SAMD5: variants seen among roughly 807,000 people sequenced by gnomAD.
SAMD5 encodes sterile alpha motif domain-containing protein 5.
In SAMD5, 13 loss-of-function variants were observed where a neutral mutation model predicts 11.3. The ratio of observed to expected loss-of-function variants is 1.15; its 90% CI spans 0.75 to 1.83. The LOEUF (loss-of-function observed/expected upper bound fraction) is 1.83. Among genes scored for constraint, SAMD5 ranks in the 40% most tolerant of loss-of-function variants. The pLI is 0.00. For missense variants in SAMD5, 255 were observed against 239.1 expected (o/e 1.07, Z -0.44); for synonymous variants, 129 against 111.3 (o/e 1.16, Z -1.00).
At chr6:147,699,225 C>T (rs373886396) in intron 1 of SAMD5, among the ~76,000 whole-genome samples, 19 of 152,146 alleles carry the variant, frequency 1.2e-4, no homozygotes, top group South Asian at 2.1e-4. Context: ...CCTAGACTGA[C>T]GCCTGGCTCA....
chr6:147,822,037 A>G, the SAMD5 span, among the ~76,000 whole-genome samples: 2 of 152,212 alleles, frequency 1.3e-5, no homozygotes, highest in Non-Finnish European at 2.9e-5. Flanking sequence ...AATATTATTG[A>G]TTTGCACCAT....
intron 1 of SAMD5, among the ~76,000 whole-genome samples, chr6:147,693,348 C>T (rs982022609): frequency 6.6e-6 from 1 of 152,192 alleles, no homozygotes; most frequent in African/African-American, 2.4e-5. Context: ...GCAGGGCCTG[C>T]ATCCTGCACG....
intron 1 of SAMD5, among the ~76,000 whole-genome samples, chr6:147,601,147 C>T (rs55824922): frequency 0.021 from 3,154 of 152,290 alleles, 109 homozygotes; most frequent in African/African-American, 0.072. Flanking sequence ...TTGCATGCTC[C>T]TCCAGTGGAG....
the SAMD5 span, among the ~76,000 whole-genome samples, chr6:147,941,883 G>T: frequency 1.3e-5 from 2 of 151,764 alleles, no homozygotes; most frequent in Non-Finnish European, 2.9e-5. Flanking sequence ...GTTTTGCTTT[G>T]TTTTGTTTGA....
the SAMD5 span, among the ~76,000 whole-genome samples, chr6:147,870,449 AGTGTGTGTGT>A: frequency 2.9e-5 from 4 of 137,632 alleles, no homozygotes; most frequent in South Asian, 2.4e-4. Flanking sequence ...TGTGTGTGTG[AGTGTGTGTGT>A]GTGTGTGTGT....
the SAMD5 span, among the ~76,000 whole-genome samples, chr6:147,900,210 C>G: frequency 6.6e-6 from 1 of 152,110 alleles, no homozygotes; most frequent in Non-Finnish European, 1.5e-5. Flanking sequence ...TGTCAGGACC[C>G]ATGGAGGATC....
intron 1 of SAMD5, among the ~76,000 whole-genome samples, chr6:147,689,389 C>G (rs1791066868): frequency 6.6e-6 from 1 of 151,998 alleles, no homozygotes; most frequent in African/African-American, 2.4e-5. Context: ...TATACCAACT[C>G]ATTACCTTGG....
At chr6:147,718,119 C>T (rs9386195) in intron 1 of SAMD5, among the ~76,000 whole-genome samples, 68,294 of 151,952 alleles carry the variant, frequency 0.45, 16,325 homozygotes, top group Non-Finnish European at 0.52. Flanking sequence ...AAGTAGACTG[C>T]GTACTATATG....
chr6:147,879,034 G>A, the SAMD5 span, among the ~76,000 whole-genome samples: 5 of 152,306 alleles, frequency 3.3e-5, no homozygotes, highest in South Asian at 4.1e-4. Context: ...GTTATTTTAA[G>A]GAAGGACTTG....
intron 1 of SAMD5, among the ~76,000 whole-genome samples, chr6:147,634,442 C>T (rs146593031): frequency 1.8e-4 from 27 of 152,328 alleles, no homozygotes; most frequent in African/African-American, 6.5e-4. Flanking sequence ...TATCTCCCAT[C>T]AGGCCCCTCC....
rs1339365234 is a variant in SAMD5, at chr6:147,565,142, T to A, written c.*686T>A. On this transcript the variant is annotated 3_prime_UTR_variant, in exon 2 of 2. Transcript: ENST00000367474. ...TCTGGCTGAGGTTTAGTATTAGGAC[T>A]AATACAAGTGTCTTGCTCTGACATG... 2.0e-6 allele frequency: 2 copies of A among 985,422 alleles called. No homozygotes were observed. The highest frequency in any genetic ancestry group is 2.3e-4 in the East Asian group (2 of 8,814). The allele number at this position is 985,422 out of a possible 1,614,324, so 61.0% of individuals were successfully genotyped here. A position where few individuals can be genotyped will look rare whatever the true frequency, so the allele number is the denominator to read the frequency against.
chr6:147,647,640 A>G (rs1210336031), intron 1 of SAMD5, among the ~76,000 whole-genome samples: 2 of 152,198 alleles, frequency 1.3e-5, no homozygotes, highest in Non-Finnish European at 2.9e-5. Context: ...TGTATTAAGA[A>G]GCAGCACAAA....
rs1263805650 is a variant in SAMD5 at position 147,569,185 on chromosome 6, C to G, written c.*4729C>G. ...GCAGTGAGCTGAGATCGCGCCAGTGCGCTCCAGCCTGGGCAACAGAGTGAG... is the reference window on the plus strand; with the variant it reads ...GCAGTGAGCTGAGATCGCGCCAGTGGGCTCCAGCCTGGGCAACAGAGTGAG... On this transcript the variant is annotated 3_prime_UTR_variant, in exon 2 of 2. Coordinates refer to ENST00000367474, the MANE Select transcript of SAMD5 (RefSeq NM_001030060.3). 1 of 215,234 alleles carries G rather than the reference C, an allele frequency of 4.6e-6. No homozygotes were observed. The highest frequency in any genetic ancestry group is 7.7e-6 in the Non-Finnish European group (1 of 129,506). The allele number at this position is 215,234 out of a possible 1,614,324, so 13.3% of individuals were successfully genotyped here.
chr6:147,808,922 G>A, the SAMD5 span, among the ~76,000 whole-genome samples: 1 of 152,134 alleles, frequency 6.6e-6, no homozygotes. Context: ...ATATTAAGCA[G>A]TCCTTTTGAA....
intron 1 of SAMD5, among the ~76,000 whole-genome samples, chr6:147,616,902 C>T (rs1789881315): frequency 6.6e-6 from 1 of 152,212 alleles, no homozygotes; most frequent in Non-Finnish European, 1.5e-5. Context: ...GATTTAATCA[C>T]TCCATCTCTT....
chr6:147,769,504 A>G, the SAMD5 span, among the ~76,000 whole-genome samples: 2 of 152,242 alleles, frequency 1.3e-5, no homozygotes, highest in African/African-American at 4.8e-5. Flanking sequence ...GGAATTGGGT[A>G]TAATGTCACT....
At chr6:147,637,248 T>G (rs1790243594) in intron 1 of SAMD5, among the ~76,000 whole-genome samples, 1 of 152,150 alleles carries the variant, frequency 6.6e-6, no homozygotes, top group Non-Finnish European at 1.5e-5. Flanking sequence ...CCTGGTTGGG[T>G]GAGCAGAGTG....
At chr6:147,515,727 G>A (rs1789698) in intron 1 of SAMD5, among the ~76,000 whole-genome samples, 63,022 of 151,734 alleles carry the variant, frequency 0.42, 16,617 homozygotes, top group African/African-American at 0.76. Flanking sequence ...GTATGTGGAG[G>A]CCTAACCTAA....
At chr6:147,809,430 C>T in the SAMD5 span, among the ~76,000 whole-genome samples, 1 of 151,778 alleles carries the variant, frequency 6.6e-6, no homozygotes, top group African/African-American at 2.4e-5. Flanking sequence ...CAGCCATGGG[C>T]ACTCCATGAA....
Sources: gnomAD v4.1 joint callset for allele counts (sites outside exome capture counted in the v4.1 genomes callset) on GRCh38, gnomAD v4.1.1 for gene constraint, MANE v1.5 for transcripts, NCBI Gene and HGNC (gene_info 2026-07-23, HGNC 2026-07-21) for gene names.